Variants in MYO18A observed in about 807,000 individuals in gnomAD.
MYO18A encodes myosin XVIIIA, also known as unconventional myosin-XVIIIa.
In MYO18A, 78 loss-of-function variants were observed where a neutral mutation model predicts 235.8. The ratio of observed to expected loss-of-function variants is 0.33; its 90% CI spans 0.28 to 0.40. MYO18A has a LOEUF of 0.40. MYO18A is among the 10% of genes least tolerant of loss of function. The pLI is 1.00. For missense variants in MYO18A, 2,215 were observed against 2,699.3 expected, an observed-to-expected ratio of 0.82 and a Z score of 3.98; for synonymous variants, 977 against 1,077.8, an observed-to-expected ratio of 0.91 and a Z score of 1.83.
At chr17:29,157,818 G>T (rs1384613338) in intron 2 of MYO18A, among the ~76,000 whole-genome samples, 1 of 151,408 alleles carries the variant, frequency 6.6e-6, no homozygotes, top group Non-Finnish European at 1.5e-5. Context: ...GTCTTGCTCT[G>T]TGTCCCAGGC....
intron 26 of MYO18A, 131 bp from the exon 27 acceptor site, chr17:29,097,481 T>C: frequency 8.0e-7 from 1 of 1,252,904 alleles, no homozygotes. Flanking sequence ...TCTGCAATGA[T>C]GGCTTCCTCC....
At chr17:29,145,510 C>T (rs2067828959) in intron 2 of MYO18A, among the ~76,000 whole-genome samples, 1 of 152,140 alleles carries the variant, frequency 6.6e-6, no homozygotes, top group Non-Finnish European at 1.5e-5. Context: ...TGTAATACCT[C>T]AAGGCGAACA....
In MYO18A at chr17:29,092,379, G is replaced by A. The variant is rs1248414186; in HGVS notation, c.5151C>T (p.His1717=). 6.2e-7 allele frequency: 1 copy of A among 1,612,132 alleles called. No homozygotes were observed. Among genetic ancestry groups the A allele is most frequent in the Non-Finnish European group, 8.5e-7 (1 of 1,179,848 alleles). Residue 1717 remains histidine (H), a synonymous_variant, in exon 34 of 42, where the codon CAC becomes CAT. Transcript: ENST00000527372. The part of the protein sequence containing the change: ...KAMEVEIEDL[H]LQIDDIAKAK... ...CTTTGGCGATGTCATCAATCTGCAG[G>A]TGCAGGTCTTCGATCTCCACCTCCA...
In MYO18A at chr17:29,104,759, G is replaced by T. The variant is rs546648583; in HGVS notation, c.3442-1095C>A. Among the ~76,000 whole-genome samples the T allele has an allele frequency of 2.6e-5, 4 of 152,210 alleles. No homozygotes were observed. The South Asian group carries it at 8.3e-4, about 32-fold the overall frequency. ...TACTTCAGGGGCAAGTGGAAAAGAG[G>T]ACCTCAGAGGGAGTGAGAACAGAGT... On this transcript the variant is annotated intron_variant, in intron 20 of 41. Transcript: ENST00000527372.
chr17:29,154,312 C>A (rs1201709051), intron 2 of MYO18A, among the ~76,000 whole-genome samples: 1 of 152,088 alleles, frequency 6.6e-6, no homozygotes, highest in African/African-American at 2.4e-5. Flanking sequence ...GGCTCACCTC[C>A]CTCGAGGGAG....
At position 29,120,592 on chromosome 17, in the gene MYO18A, C is replaced by T; in HGVS notation, c.1728+24G>A. 1.2e-6 allele frequency: 2 copies of T among 1,607,842 alleles called. No individual in the cohort carries two copies. The highest frequency in any genetic ancestry group is 2.2e-5 in the East Asian group (1 of 44,834). On this transcript the variant is annotated intron_variant, in intron 7 of 41. Coordinates refer to ENST00000527372, the MANE Select transcript of MYO18A (RefSeq NM_078471.4). This position sits in a 1 kb window ranked among gnomAD's most constrained non-coding sequence, Gnocchi z 4.2. ...ATCATGTGGCCTGTGTCCTACTACC[C>T]CGAGTCCTGGGCAGCACTCTCACCT...
intron 22 of MYO18A, among the ~76,000 whole-genome samples, chr17:29,099,430 C>G (rs886639077): frequency 6.6e-6 from 1 of 152,160 alleles, no homozygotes; most frequent in Non-Finnish European, 1.5e-5. Context: ...TCCCCTACCC[C>G]TCATCAAAGC....
chr17:29,108,136 G>A (rs1199694258), intron 19 of MYO18A, among the ~76,000 whole-genome samples: 2 of 152,134 alleles, frequency 1.3e-5, no homozygotes, highest in East Asian at 3.9e-4. Flanking sequence ...AGCACAGTGT[G>A]ACTCACTTGG....
At chr17:29,128,557 A>C (rs1244159405) in intron 2 of MYO18A, 1 of 1,227,130 alleles carries the variant, frequency 8.1e-7, no homozygotes, top group Non-Finnish European at 1.0e-6. Context: ...ACAGTCATAC[A>C]AATACAGGTA....
At position 29,118,371 on chromosome 17, in the gene MYO18A, C is replaced by T. The variant is rs1487554236; in HGVS notation, c.1893+6G>A. The T allele has an allele frequency of 1.2e-6, 2 of 1,602,572 alleles. No individual in the cohort carries two copies. The highest frequency in any genetic ancestry group is 2.2e-5 in the East Asian group (1 of 44,512). Reference sequence around the variant, plus strand: ...GCTGGCAACCCAGACCCCACAGACCCCTCACCTTGGCCAGTGGCACAATCC... The same window carrying T: ...GCTGGCAACCCAGACCCCACAGACCTCTCACCTTGGCCAGTGGCACAATCC... On this transcript the variant is annotated splice_donor_region_variant and intron_variant, in intron 9 of 41. Transcript: ENST00000527372. This position sits in a 1 kb window ranked among gnomAD's most constrained non-coding sequence, Gnocchi z 4.2.
At chr17:29,078,156 A>G (rs2066030284) in intron 41 of MYO18A, 1 of 152,288 alleles carries the variant, frequency 6.6e-6, no homozygotes, top group South Asian at 2.1e-4. Flanking sequence ...AGCTGGGACT[A>G]TAGGCATGCG....
Position 29,115,519 on chromosome 17 carries a change from C to T in MYO18A, c.2228-78G>A, listed in dbSNP as rs535103354. The T allele has an allele frequency of 3.1e-4, 471 of 1,532,594 alleles. 2 individuals are homozygous for T. The South Asian group carries it at 5.4e-3, about 18-fold the overall frequency. 94.9% of individuals were successfully genotyped at this position (1,532,594 alleles called of 1,614,324 possible). A position where few individuals can be genotyped will look rare whatever the true frequency, so the allele number is the denominator to read the frequency against. On this transcript the variant is annotated intron_variant, in intron 12 of 41. Transcript: ENST00000527372. ...GGGTAAGCCCCTGACCTGCCCAGGGCCCAGTCAGCACGGGGCCTGGGGCAG... is the reference window on the plus strand; with the variant it reads ...GGGTAAGCCCCTGACCTGCCCAGGGTCCAGTCAGCACGGGGCCTGGGGCAG...
At chr17:29,133,070 G>A (rs1009984193) in intron 2 of MYO18A, among the ~76,000 whole-genome samples, 3 of 152,236 alleles carry the variant, frequency 2.0e-5, no homozygotes, top group Admixed American at 2.0e-4. Context: ...AGTCCACTCT[G>A]TGTTCTTCAC....
At chr17:29,080,363 G>T in intron 41 of MYO18A, 1 of 986,272 alleles carries the variant, frequency 1.0e-6, no homozygotes, top group Non-Finnish European at 1.2e-6. Flanking sequence ...CTGCGTGGCC[G>T]GGGTGGCACC....
chr17:29,089,128 G>A (rs2066330888), intron 37 of MYO18A, among the ~76,000 whole-genome samples: 1 of 151,206 alleles, frequency 6.6e-6, no homozygotes, highest in Non-Finnish European at 1.5e-5. Flanking sequence ...GGGTAAGAAA[G>A]AGAAATAAGA....
intron 2 of MYO18A, among the ~76,000 whole-genome samples, chr17:29,154,121 T>TGTGTGTGTGTGTGTGTGCGCGCGC (rs142430455): frequency 1.0e-4 from 15 of 149,108 alleles, no homozygotes; most frequent in Middle Eastern, 3.4e-3. Flanking sequence ...TGTGTGTGTG[T>TGTGTGTGTGTGTGTGTGCGCGCGC]GCGCGCGCGT....
Position 29,096,750 on chromosome 17 carries a change from G to T in MYO18A, c.4385+11C>A. 1 of 1,591,044 alleles carries T rather than the reference G, an allele frequency of 6.3e-7. No homozygotes were observed. Among genetic ancestry groups the T allele is most frequent in the Non-Finnish European group, 8.6e-7 (1 of 1,167,494 alleles). Reference sequence around the variant, plus strand: ...AAGGTTCTCTGGGCCCAGGGCAGGGGGCCCACCCACCTCCTCTGCTTCTTC... The same window carrying T: ...AAGGTTCTCTGGGCCCAGGGCAGGGTGCCCACCCACCTCCTCTGCTTCTTC... On this transcript the variant is annotated intron_variant, in intron 28 of 41. Transcript: ENST00000527372.
chr17:29,141,012 G>A (rs916678260), intron 2 of MYO18A, among the ~76,000 whole-genome samples: 20 of 152,348 alleles, frequency 1.3e-4, no homozygotes, highest in Admixed American at 1.3e-3. Context: ...TCTGGCAGGA[G>A]CAGAGACCCA....
chr17:29,089,747 G>A (rs1160934270), intron 37 of MYO18A, among the ~76,000 whole-genome samples: 2 of 152,232 alleles, frequency 1.3e-5, no homozygotes, highest in Non-Finnish European at 2.9e-5. Flanking sequence ...AAGCAAGCAC[G>A]GAAACAGAAT....
Sources: allele counts gnomAD v4.1 joint callset (sites outside exome capture counted in the v4.1 genomes callset), GRCh38; gene constraint gnomAD v4.1.1; non-coding constraint Gnocchi (gnomAD v3.1); transcripts MANE v1.5; gene names NCBI Gene and HGNC (gene_info 2026-07-23, HGNC 2026-07-21).